IGF1: variants seen among roughly 807,000 people sequenced by gnomAD.
The protein encoded by IGF1 is insulin-like growth factor 1.
A neutral mutation model predicts 13.8 loss-of-function variants in IGF1; 4 were observed. The ratio of observed to expected loss-of-function variants is 0.29; its 90% CI spans 0.14 to 0.66. IGF1 has a LOEUF of 0.66. IGF1 is among the 30% of genes least tolerant of loss of function. The pLI is 0.78. For synonymous variants in IGF1, 76 were observed against 72.6 expected, an observed-to-expected ratio of 1.05 and a Z score of -0.23; for missense variants, 124 against 188.5, an observed-to-expected ratio of 0.66 and a Z score of 2.00.
intron 2 of IGF1, among the ~76,000 whole-genome samples, chr12:102,425,504 T>C (rs1876121529): frequency 2.0e-5 from 3 of 152,144 alleles, no homozygotes; most frequent in Admixed American, 1.3e-4. Context: ...ACCAAAGTCT[T>C]CCGTTACCCA....
intron 3 of IGF1, among the ~76,000 whole-genome samples, chr12:102,411,621 G>A (rs1227289069): frequency 6.6e-6 from 1 of 152,180 alleles, no homozygotes; most frequent in African/African-American, 2.4e-5. Flanking sequence ...GTTATTTTAT[G>A]AGACAAGAGC....
intron 2 of IGF1, among the ~76,000 whole-genome samples, chr12:102,425,008 T>G (rs1669410956): frequency 6.6e-6 from 1 of 152,232 alleles, no homozygotes; most frequent in Non-Finnish European, 1.5e-5. Context: ...TGGCCACATC[T>G]TTTTATGTTT....
chr12:102,446,361 T>A (rs1383761037), intron 2 of IGF1, among the ~76,000 whole-genome samples: 1 of 152,190 alleles, frequency 6.6e-6, no homozygotes, highest in Admixed American at 6.5e-5. Flanking sequence ...CTGGGTTTTT[T>A]TTTGGTTGGT....
intron 3 of IGF1, among the ~76,000 whole-genome samples, chr12:102,411,501 C>A (rs1874637098): frequency 6.6e-6 from 1 of 152,110 alleles, no homozygotes; most frequent in Non-Finnish European, 1.5e-5. Flanking sequence ...ATACATTGTA[C>A]CCAGAATTTT....
chr12:102,439,447 A>G (rs191481559), intron 2 of IGF1, among the ~76,000 whole-genome samples: 117 of 152,338 alleles, frequency 7.7e-4, no homozygotes, highest in African/African-American at 2.5e-3. Flanking sequence ...TTAAAAACAG[A>G]AAGATGTTTA....
intron 2 of IGF1, among the ~76,000 whole-genome samples, chr12:102,432,296 A>G (rs1444917436): frequency 6.6e-6 from 1 of 152,162 alleles, no homozygotes; most frequent in African/African-American, 2.4e-5. Context: ...CCATTTTCCT[A>G]TTACTAGGCA....
chr12:102,452,053 A>C (rs1047105604), intron 2 of IGF1, among the ~76,000 whole-genome samples: 1 of 151,912 alleles, frequency 6.6e-6, no homozygotes, highest in Non-Finnish European at 1.5e-5. Context: ...ACGAGGTTAG[A>C]AGATCAAGAC....
intron 2 of IGF1, among the ~76,000 whole-genome samples, chr12:102,463,784 G>A (rs1880102246): frequency 6.6e-6 from 1 of 152,210 alleles, no homozygotes; most frequent in Non-Finnish European, 1.5e-5. Flanking sequence ...AAAGGGTCCA[G>A]CTGTGCAAAG....
chr12:102,425,325 A>G (rs1332087026), intron 2 of IGF1, among the ~76,000 whole-genome samples: 1 of 152,050 alleles, frequency 6.6e-6, no homozygotes, highest in African/African-American at 2.4e-5. Context: ...TTAGGCATCG[A>G]TTTCACTTTT....
At chr12:102,446,470 C>T (rs1271475022) in intron 2 of IGF1, among the ~76,000 whole-genome samples, 1 of 152,018 alleles carries the variant, frequency 6.6e-6, no homozygotes, top group Non-Finnish European at 1.5e-5. Context: ...ATGTGTCCAG[C>T]AATTTATCCA....
rs77753269 is a variant in IGF1, at chr12:102,459,481, G to C, written c.220+16162C>G. ...GTGATGGGACTGGAAGGATCTTCCA[G>C]TAAATAGGTAACAGCTGTTATGGAT... On this transcript the variant is annotated intron_variant, in intron 2 of 3. Coordinates refer to ENST00000337514, the MANE Select transcript of IGF1 (RefSeq NM_000618.5). 1.9e-3 allele frequency among the ~76,000 whole-genome samples: 284 copies of C among 152,068 alleles called. 2 individuals are homozygous for C. The highest frequency in any genetic ancestry group is 2.6e-3 in the Non-Finnish European group (174 of 67,964).
At chr12:102,473,029 A>G (rs931285141) in intron 2 of IGF1, among the ~76,000 whole-genome samples, 2 of 152,188 alleles carry the variant, frequency 1.3e-5, no homozygotes, top group African/African-American at 4.8e-5. Flanking sequence ...GATTGGATTC[A>G]ACTAGACTCA....
chr12:102,429,618 C>G (rs976778313), intron 2 of IGF1, among the ~76,000 whole-genome samples: 1 of 152,154 alleles, frequency 6.6e-6, no homozygotes, highest in African/African-American at 2.4e-5. Flanking sequence ...CCCAGATTCC[C>G]AAACCTCCTT....
intron 2 of IGF1, among the ~76,000 whole-genome samples, chr12:102,445,093 G>A (rs1447003699): frequency 9.9e-5 from 15 of 151,884 alleles, no homozygotes; most frequent in African/African-American, 3.1e-4. Context: ...TCCATTGGTC[G>A]ATATATCTGT....
At position 102,403,957 on chromosome 12, in the gene IGF1, CATTATATTATA is replaced by C. The variant is rs1873910331; in HGVS notation, c.403-1402_403-1392del. 2.0e-5 allele frequency among the ~76,000 whole-genome samples: 3 copies of C among 152,104 alleles called. No individual in the cohort carries two copies. The South Asian group carries it at 6.2e-4, about 32-fold the overall frequency. ...CCCCTTGTGATGTGCAGAACTAAGT[CATTATATTATA>C]ATACTTTTCCTACAGTTATTACTTT... On this transcript the variant is annotated intron_variant, in intron 3 of 3. Transcript: ENST00000337514.
intron 2 of IGF1, among the ~76,000 whole-genome samples, chr12:102,474,033 C>G (rs1042662169): frequency 2.0e-5 from 3 of 151,546 alleles, no homozygotes; most frequent in Non-Finnish European, 4.4e-5. Flanking sequence ...GGAAATTGCA[C>G]AAATGGATTA....
chr12:102,419,801 G>T, intron 2 of IGF1, 111 bp from the exon 3 acceptor site: 1 of 1,012,142 alleles, frequency 9.9e-7, no homozygotes, highest in Non-Finnish European at 1.5e-6. Flanking sequence ...ATTCTGCAAT[G>T]TCTCAACCTC....
upstream of IGF1, among the ~76,000 whole-genome samples, chr12:102,481,310 A>G (rs1881377585): frequency 6.7e-6 from 1 of 148,656 alleles, no homozygotes; most frequent in Non-Finnish European, 1.5e-5. Flanking sequence ...GGGGCAAACA[A>G]TTTTCCTGTT....
At chr12:102,455,100 G>C (rs1592808531) in intron 2 of IGF1, among the ~76,000 whole-genome samples, 1 of 152,306 alleles carries the variant, frequency 6.6e-6, no homozygotes, top group East Asian at 1.9e-4. Flanking sequence ...GAAAATATTG[G>C]CTCTGACATT....
Sources: gnomAD v4.1 joint callset for allele counts (sites outside exome capture counted in the v4.1 genomes callset) on GRCh38, gnomAD v4.1.1 for gene constraint, MANE v1.5 for transcripts, NCBI Gene and HGNC (gene_info 2026-07-23, HGNC 2026-07-21) for gene names.